Variants in ZFHX3 observed in about 807,000 individuals in gnomAD.
The protein encoded by ZFHX3 is zinc finger homeobox 3.
A neutral mutation model predicts 279.1 loss-of-function variants in ZFHX3; 42 were observed. The observed-to-expected ratio is 0.15, with a 90% CI of 0.12 to 0.19. ZFHX3 has a LOEUF of 0.19. Among genes scored for constraint, ZFHX3 ranks in the 10% least tolerant of loss-of-function variants. The pLI is 1.00. For missense variants in ZFHX3, 4,981 were observed against 4,754.0 expected, an observed-to-expected ratio of 1.05 and a Z score of -1.40; for synonymous variants, 2,293 against 1,957.8, an observed-to-expected ratio of 1.17 and a Z score of -4.52.
chr16:73,123,295 T>C (rs1371454806), intron 7 of ZFHX3: 2 of 147,092 alleles, frequency 1.4e-5, no homozygotes, highest in Non-Finnish European at 3.0e-5. Flanking sequence ...TGGGTTATAC[T>C]ACTCACGGGA....
chr16:73,881,892 C>T (rs898299490), intron 1 of ZFHX3, among the ~76,000 whole-genome samples: 4 of 152,042 alleles, frequency 2.6e-5, no homozygotes, highest in Non-Finnish European at 4.4e-5. Flanking sequence ...TGACCTGCCC[C>T]GCAGCTCCCC....
intron 3 of ZFHX3, among the ~76,000 whole-genome samples, chr16:73,346,000 C>T (rs2016117044): frequency 6.6e-6 from 1 of 152,112 alleles, no homozygotes; most frequent in Admixed American, 6.5e-5. Context: ...TGTATTATTC[C>T]TTGGGGAGGG....
intron 1 of ZFHX3, among the ~76,000 whole-genome samples, chr16:72,993,575 GACA>G (rs1466347207): frequency 2.0e-5 from 3 of 151,974 alleles, no homozygotes; most frequent in East Asian, 1.9e-4. Context: ...ACTCTAACAG[GACA>G]ACAAGCGATG....
intron 4 of ZFHX3, among the ~76,000 whole-genome samples, chr16:72,880,841 G>GA (rs916536168): frequency 2.6e-5 from 4 of 152,118 alleles, no homozygotes; most frequent in African/African-American, 9.7e-5. Flanking sequence ...CATCCACTCT[G>GA]AAAAACACAT....
chr16:73,040,040 T>C (rs945937886), intron 1 of ZFHX3, among the ~76,000 whole-genome samples: 1 of 152,234 alleles, frequency 6.6e-6, no homozygotes, highest in Non-Finnish European at 1.5e-5. Flanking sequence ...TGGGCAGCTC[T>C]GTTTTTCAAG....
At chr16:73,251,765 C>G in intron 5 of ZFHX3, among the ~76,000 whole-genome samples, 1 of 146,212 alleles carries the variant, frequency 6.8e-6, no homozygotes, top group Non-Finnish European at 1.5e-5. Flanking sequence ...CACACACACA[C>G]ACACCATGCA....
chr16:73,027,895 T>A (rs1419055212), intron 1 of ZFHX3, among the ~76,000 whole-genome samples: 1 of 152,220 alleles, frequency 6.6e-6, no homozygotes, highest in Non-Finnish European at 1.5e-5. Flanking sequence ...TTTAATACAC[T>A]GCCGGGTGCC....
chr16:72,802,826 T>C (rs997561652), intron 7 of ZFHX3, among the ~76,000 whole-genome samples: 48 of 152,344 alleles, frequency 3.2e-4, no homozygotes, highest in African/African-American at 1.1e-3. Context: ...TTTCATGCTT[T>C]ATCTTGAAGA....
chr16:73,589,510 T>A lies in ZFHX3; in HGVS notation c.-1547+90670A>T, dbSNP rs573963000. On this transcript the variant is annotated intron_variant, in intron 2 of 17. Transcript: ENST00000641206. ...ACTTTGGGAGGCTGTGGTGGGTGGA[T>A]CACAAGGTCAGGAGATCGAGACCAT... Among the ~76,000 whole-genome samples, 96 of 149,106 alleles carry A rather than the reference T, an allele frequency of 6.4e-4. 3 individuals carry two copies. The South Asian group carries it at 0.012, about 19-fold the overall frequency.
At chr16:73,133,652 T>A (rs1190709701) in intron 6 of ZFHX3, among the ~76,000 whole-genome samples, 1 of 152,170 alleles carries the variant, frequency 6.6e-6, no homozygotes, top group Non-Finnish European at 1.5e-5. Context: ...AACACCTTGA[T>A]CTTGGGCTTC....
chr16:73,373,856 G>A (rs1177531443), intron 3 of ZFHX3, among the ~76,000 whole-genome samples: 1 of 152,154 alleles, frequency 6.6e-6, no homozygotes, highest in African/African-American at 2.4e-5. Context: ...GACTATTAAT[G>A]ATTGTGCAAA....
At chr16:73,491,311 A>T (rs1342244769) in intron 2 of ZFHX3, among the ~76,000 whole-genome samples, 1 of 152,196 alleles carries the variant, frequency 6.6e-6, no homozygotes, top group Non-Finnish European at 1.5e-5. Flanking sequence ...GAGGTGATAC[A>T]TGTCACTTTC....
At chr16:73,686,731 G>A (rs2053088805) in intron 1 of ZFHX3, among the ~76,000 whole-genome samples, 1 of 152,002 alleles carries the variant, frequency 6.6e-6, no homozygotes, top group African/African-American at 2.4e-5. Flanking sequence ...AAGCAGTCAG[G>A]CCTAGACTTG....
chr16:72,954,998 C>T (rs1003777529), intron 2 of ZFHX3, among the ~76,000 whole-genome samples: 4 of 152,216 alleles, frequency 2.6e-5, no homozygotes, highest in Non-Finnish European at 4.4e-5. Context: ...AAAACCAGTA[C>T]AGCCACAGCT....
intron 3 of ZFHX3, among the ~76,000 whole-genome samples, chr16:73,398,163 G>T (rs1398712042): frequency 6.6e-6 from 1 of 152,186 alleles, no homozygotes; most frequent in Non-Finnish European, 1.5e-5. Flanking sequence ...TGTTTTAAAA[G>T]TGCTAAGCTT....
chr16:73,745,477 A>G (rs1481176461), intron 1 of ZFHX3, among the ~76,000 whole-genome samples: 1 of 152,204 alleles, frequency 6.6e-6, no homozygotes, highest in Non-Finnish European at 1.5e-5. Flanking sequence ...TAAAGTATAT[A>G]TGCACAGAAA....
rs1181618099 is a variant in ZFHX3, at chr16:73,686,878, TG to T, written c.-1607-6639del. Among the ~76,000 whole-genome samples the T allele has an allele frequency of 4.0e-5, 6 of 151,518 alleles. No individual in the cohort carries two copies. In the East Asian group the frequency reaches 9.7e-4, roughly 25 times the overall value. On this transcript the variant is annotated intron_variant, in intron 1 of 17. Coordinates refer to the ZFHX3 transcript ENST00000641206. ...CACAGCCAAGTTGTTTGGGGTGCAC[TG>T]GTCTTGGTTCACCCTGTATTCACCA...
rs59022867 is a variant in ZFHX3 at position 73,744,800 on chromosome 16, C to T, written c.-1607-64560G>A. 2.5e-3 allele frequency among the ~76,000 whole-genome samples: 384 copies of T among 152,242 alleles called. 3 individuals carry two copies. Among genetic ancestry groups the T allele is most frequent in the African/African-American group, 8.9e-3 (371 of 41,556 alleles). Reference sequence around the variant, plus strand: ...ATTTCTCCCTCTTTAAAAATTTCCTCGTGTTATTTCATCTTCGTGACAGAA... The same window carrying T: ...ATTTCTCCCTCTTTAAAAATTTCCTTGTGTTATTTCATCTTCGTGACAGAA... On this transcript the variant is annotated intron_variant, in intron 1 of 17. Transcript: ENST00000641206.
At chr16:73,369,162 G>T (rs759381548) in intron 3 of ZFHX3, among the ~76,000 whole-genome samples, 1 of 152,132 alleles carries the variant, frequency 6.6e-6, no homozygotes, top group African/African-American at 2.4e-5. Context: ...ATTCTATCAC[G>T]CTTAAGCTAA....
Sources: gnomAD v4.1 joint callset for allele counts (sites outside exome capture counted in the v4.1 genomes callset) on GRCh38, gnomAD v4.1.1 for gene constraint, MANE v1.5 for transcripts, NCBI Gene and HGNC (gene_info 2026-07-23, HGNC 2026-07-21) for gene names.